THADA: variants seen among roughly 807,000 people sequenced by gnomAD.
The protein encoded by THADA is THADA armadillo repeat containing.
THADA carries 213 observed loss-of-function variants against 219.8 expected under a neutral mutation model. The ratio of observed to expected loss-of-function variants is 0.97; its 90% CI spans 0.87 to 1.09. The LOEUF is 1.09. Ranked by LOEUF, THADA falls within the 50% of genes least tolerant of loss-of-function variation. THADA has a pLI of 0.00. For missense variants in THADA, 2,956 were observed against 2,311.3 expected, an observed-to-expected ratio of 1.28 and a Z score of -5.72; for synonymous variants, 1,018 against 828.9, an observed-to-expected ratio of 1.23 and a Z score of -3.92.
intron 1 of THADA, 200 bp downstream of exon 1, chr2:43,595,731 G>T (rs1053127909): frequency 2.6e-5 from 4 of 152,396 alleles, no homozygotes; most frequent in African/African-American, 9.6e-5. Flanking sequence ...GAACCACGTG[G>T]AGTCGAGGAA....
At chr2:43,301,766 C>G (rs534056150) in intron 31 of THADA, among the ~76,000 whole-genome samples, 7 of 152,252 alleles carry the variant, frequency 4.6e-5, no homozygotes, top group African/African-American at 1.7e-4. Context: ...TTTAAAGTGA[C>G]CTAGGTACAG....
chr2:43,465,865 T>C (rs1334208019), intron 26 of THADA, among the ~76,000 whole-genome samples: 4 of 152,172 alleles, frequency 2.6e-5, no homozygotes, highest in African/African-American at 7.2e-5. Flanking sequence ...GGGGCAAAAC[T>C]GAACTTGGTA....
At chr2:43,407,304 C>T (rs1311694658) in intron 28 of THADA, among the ~76,000 whole-genome samples, 1 of 152,098 alleles carries the variant, frequency 6.6e-6, no homozygotes, top group Non-Finnish European at 1.5e-5. Flanking sequence ...TTTTTAAACC[C>T]TATTATATAT....
At chr2:43,258,966 G>C (rs918190083) in intron 36 of THADA, among the ~76,000 whole-genome samples, 5 of 152,182 alleles carry the variant, frequency 3.3e-5, no homozygotes, top group Admixed American at 2.6e-4. Flanking sequence ...GAGGCCTCCT[G>C]AAGATTCTGG....
At chr2:43,239,959 C>G (rs1352878880) in intron 36 of THADA, among the ~76,000 whole-genome samples, 1 of 152,204 alleles carries the variant, frequency 6.6e-6, no homozygotes, top group African/African-American at 2.4e-5. Context: ...TGAGGAAAAC[C>G]ACCCAGAAAA....
intron 9 of THADA, among the ~76,000 whole-genome samples, chr2:43,578,064 G>C (rs1031908524): frequency 6.6e-6 from 1 of 151,526 alleles, no homozygotes; most frequent in Non-Finnish European, 1.5e-5. Flanking sequence ...TTTTGGAATT[G>C]TCTCTTATTA....
At chr2:43,482,667 C>G (rs1233798162) in intron 26 of THADA, among the ~76,000 whole-genome samples, 1 of 152,064 alleles carries the variant, frequency 6.6e-6, no homozygotes, top group Non-Finnish European at 1.5e-5. Context: ...TCCTATATGC[C>G]TTCTATATGC....
At chr2:43,474,992 G>A (rs186072323) in intron 26 of THADA, among the ~76,000 whole-genome samples, 1 of 152,146 alleles carries the variant, frequency 6.6e-6, no homozygotes, top group African/African-American at 2.4e-5. Flanking sequence ...TTAGAGGACA[G>A]AAAAGAAAGA....
chr2:43,532,732 G>A (rs1358716148), intron 21 of THADA, among the ~76,000 whole-genome samples: 1 of 152,216 alleles, frequency 6.6e-6, no homozygotes, highest in East Asian at 1.9e-4. Context: ...ATTCAACATA[G>A]TATTGGAAGT....
chr2:43,551,748 T>C (rs749382839), intron 19 of THADA, 41 bp downstream of exon 19: 39 of 1,566,256 alleles, frequency 2.5e-5, no homozygotes, highest in Middle Eastern at 1.7e-4. Flanking sequence ...GACATAATAA[T>C]CAAACCACAG....
intron 20 of THADA, among the ~76,000 whole-genome samples, chr2:43,541,540 G>C (rs973656099): frequency 1.3e-5 from 2 of 151,110 alleles, no homozygotes; most frequent in African/African-American, 4.9e-5. Flanking sequence ...ACAGGGTCTC[G>C]CTCTGTCACC....
intron 29 of THADA, among the ~76,000 whole-genome samples, chr2:43,371,473 T>C (rs1434626147): frequency 6.6e-6 from 1 of 152,212 alleles, no homozygotes; most frequent in Non-Finnish European, 1.5e-5. Flanking sequence ...GAAAGAGCAA[T>C]GCTCAGTTTT....
intron 30 of THADA, among the ~76,000 whole-genome samples, chr2:43,322,905 T>G (rs989095658): frequency 3.3e-5 from 5 of 151,708 alleles, no homozygotes; most frequent in Admixed American, 2.0e-4. Context: ...CCAGGATGGT[T>G]TCGATCTCCT....
intron 22 of THADA, among the ~76,000 whole-genome samples, chr2:43,518,547 G>T (rs1692017939): frequency 6.6e-6 from 1 of 152,068 alleles, no homozygotes; most frequent in African/African-American, 2.4e-5. Flanking sequence ...ACCAAGTACA[G>T]GGTTCAAAAG....
At position 43,432,046 on chromosome 2, in the gene THADA, C is replaced by T. The variant is rs563500575; in HGVS notation, c.3837-1744G>A. On this transcript the variant is annotated intron_variant, in intron 26 of 37. Transcript: ENST00000405975. ...TAATTTTTTGTATTTTTAGTAGAGA[C>T]GGGGTTTCACCGTTTTAGCCGGGAT... is the stretch of plus-strand genomic sequence containing the variant. 2.3e-4 allele frequency among the ~76,000 whole-genome samples: 29 copies of T among 124,116 alleles called. 1 individual carries two copies. The highest frequency in any genetic ancestry group is 2.7e-4 in the Non-Finnish European group (16 of 59,190). 81.4% of individuals were successfully genotyped at this position (124,116 alleles called of 152,430 possible).
intron 26 of THADA, among the ~76,000 whole-genome samples, chr2:43,441,134 T>A (rs1185433335): frequency 6.6e-6 from 1 of 152,210 alleles, no homozygotes; most frequent in African/African-American, 2.4e-5. Flanking sequence ...GACTTTGAAG[T>A]ATCAACTATG....
rs930939565 is a variant in THADA at position 43,551,942 on chromosome 2, A to G, written c.2811-17T>C. ...TGCAGGCTGCTGCAACAAGGACATT[A>G]GGGAAATTTATACTAAAAGCAAAAA... On this transcript the variant is annotated splice_polypyrimidine_tract_variant and intron_variant, in intron 18 of 37. Coordinates refer to ENST00000405975, the MANE Select transcript of THADA (RefSeq NM_022065.5). The G allele has an allele frequency of 6.3e-7, 1 of 1,592,234 alleles. No individual in the cohort carries two copies.
Position 43,430,271 on chromosome 2 carries a change from G to A in THADA, c.3868C>T (p.Pro1290Ser), listed in dbSNP as rs1417911685. Residue 1290 changes from proline (P) to serine (S), a missense_variant, in exon 27 of 38, where the codon CCA becomes TCA. Pro to Ser is a moderately conservative substitution (Grantham distance 74). Transcript: ENST00000405975. ...MTGREFFSRF[P>S]ELYPFLLKQL... ...TTGAGAAGAAAAGGATAGAGTTCTGGGAAACGAGAGAAAAACTCTCTCCCT... is the reference window on the plus strand; with the variant it reads ...TTGAGAAGAAAAGGATAGAGTTCTGAGAAACGAGAGAAAAACTCTCTCCCT... 3.2e-6 allele frequency: 5 copies of A among 1,549,904 alleles called. No homozygotes were observed. Among genetic ancestry groups the A allele is most frequent in the Non-Finnish European group, 4.4e-6 (5 of 1,146,526 alleles).
At chr2:43,586,536 C>T in intron 6 of THADA, 87 bp from the exon 7 acceptor site, 2 of 1,358,008 alleles carry the variant, frequency 1.5e-6, no homozygotes, top group South Asian at 2.9e-5. Context: ...CACTGTTATC[C>T]AAAATGATAT....
Sources: allele counts gnomAD v4.1 joint callset (sites outside exome capture counted in the v4.1 genomes callset), GRCh38; gene constraint gnomAD v4.1.1; transcripts MANE v1.5; gene names NCBI Gene and HGNC (gene_info 2026-07-23, HGNC 2026-07-21).